ATP2B4: variants seen among roughly 807,000 people sequenced by gnomAD.
ATP2B4 encodes the protein plasma membrane calcium-transporting ATPase 4.
ATP2B4 carries 39 observed loss-of-function variants against 110.3 expected under a neutral mutation model. The ratio of observed to expected loss-of-function variants is 0.35; its 90% CI spans 0.27 to 0.46. The LOEUF is 0.46. Ranked by LOEUF, ATP2B4 falls within the 20% of genes least tolerant of loss-of-function variation. The pLI is 1.00. For missense variants in ATP2B4, 1,135 were observed against 1,530.9 expected (o/e 0.74, Z 4.32); for synonymous variants, 538 against 571.7 (o/e 0.94, Z 0.84).
intron 2 of ATP2B4, among the ~76,000 whole-genome samples, chr1:203,686,160 A>G (rs1241383154): frequency 6.6e-6 from 1 of 152,148 alleles, no homozygotes; most frequent in East Asian, 1.9e-4. Flanking sequence ...TTACAGCCGT[A>G]CTGACTGCTG....
chr1:203,627,412 G>T (rs1228302301), intron 1 of ATP2B4, among the ~76,000 whole-genome samples, 193 bp downstream of exon 1: 2 of 152,158 alleles, frequency 1.3e-5, no homozygotes, highest in Non-Finnish European at 2.9e-5. Flanking sequence ...TCAGTTCTGA[G>T]AAACCATATA....
intron 1 of ATP2B4, among the ~76,000 whole-genome samples, chr1:203,680,185 T>C (rs1166307057): frequency 6.6e-6 from 1 of 152,148 alleles, no homozygotes; most frequent in Non-Finnish European, 1.5e-5. Flanking sequence ...ATGGTTATTG[T>C]TAATGAAGCT....
intron 1 of ATP2B4, among the ~76,000 whole-genome samples, chr1:203,663,809 G>T (rs1388996338): frequency 6.6e-6 from 1 of 152,042 alleles, no homozygotes; most frequent in Non-Finnish European, 1.5e-5. Flanking sequence ...TCACTGTATT[G>T]CCCAGGCTGG....
At position 203,656,007 on chromosome 1, in the gene ATP2B4, C is replaced by T. The variant is rs529113258; in HGVS notation, c.-464-26735C>T. ...GCAACCTTCGCCTCCTGGGTTCAAG[C>T]GATTCTCTCAACTCAGCCTCCCGAG... is the stretch of plus-strand genomic sequence containing the variant. On this transcript the variant is annotated intron_variant, in intron 1 of 20. Coordinates refer to ENST00000357681, the MANE Select transcript of ATP2B4 (RefSeq NM_001684.5). Among the ~76,000 whole-genome samples, 29 of 151,760 alleles carry T rather than the reference C, an allele frequency of 1.9e-4. No individual in the cohort carries two copies. In the South Asian group the frequency reaches 5.9e-3, roughly 31 times the overall value.
rs777078203 is a variant in ATP2B4, at chr1:203,683,233, C to T, written c.28C>T (p.Pro10Ser). Residue 10 changes from proline to serine, a missense_variant, in exon 2 of 21, where the codon CCT becomes TCT. Pro to Ser is a moderately conservative substitution (Grantham distance 74, BLOSUM62 -1). This residue lies in a region of ATP2B4 where 122 missense variants were observed against 125.2 expected (regional missense o/e 0.97). Transcript: ENST00000357681. ...GACGAACCCATCAGACCGTGTCTTG[C>T]CTGCCAACTCGATGGCCGAGAGCCG... MTNPSDRVL[P>S]ANSMAESREG... The T allele has an allele frequency of 6.2e-7, 1 of 1,613,998 alleles. No individual in the cohort carries two copies. The highest frequency in any genetic ancestry group is 2.2e-5 in the East Asian group (1 of 44,900).
rs57144862 is a variant in ATP2B4, at chr1:203,672,324, CTTTTTTTTTTTTTT to C, written c.-464-10399_-464-10386del. Among the ~76,000 whole-genome samples, 139 of 79,596 alleles carry C rather than the reference CTTTTTTTTTTTTTT, an allele frequency of 1.7e-3. 1 individual carries two copies. Among genetic ancestry groups the C allele is most frequent in the South Asian group, 1.9e-3 (3 of 1,586 alleles). The allele number at this position is 79,596 out of a possible 152,430, so 52.2% of individuals were successfully genotyped here. ...TGTTCCTGAGTAAGTTGCGGTGGCT[CTTTTTTTTTTTTTT>C]TTTTTTTTTTTTTTTTTTAAAGCTG... On this transcript the variant is annotated intron_variant, in intron 1 of 20. Coordinates refer to ENST00000357681, the MANE Select transcript of ATP2B4 (RefSeq NM_001684.5).
chr1:203,657,536 C>T, intron 1 of ATP2B4: 2 of 814,924 alleles, frequency 2.5e-6, no homozygotes, highest in Non-Finnish European at 4.3e-6. Flanking sequence ...TGGTGTTTCT[C>T]TTTTCATGCA....
intron 13 of ATP2B4, 111 bp from the exon 14 acceptor site, chr1:203,713,054 G>T: frequency 9.0e-7 from 1 of 1,108,986 alleles, no homozygotes; most frequent in Non-Finnish European, 1.4e-6. Context: ...CTTTCATGTG[G>T]GACTGTGGTG....
intron 1 of ATP2B4, among the ~76,000 whole-genome samples, chr1:203,632,924 G>T (rs1663318240): frequency 6.6e-6 from 1 of 151,998 alleles, no homozygotes; most frequent in Non-Finnish European, 1.5e-5. Flanking sequence ...GGGTTTTTTT[G>T]TATATCTTGT....
At chr1:203,662,272 C>T (rs533124811) in intron 1 of ATP2B4, among the ~76,000 whole-genome samples, 51 of 152,310 alleles carry the variant, frequency 3.3e-4, no homozygotes, top group African/African-American at 1.1e-3. Context: ...ATGATCCACC[C>T]GTCTCAGCCT....
rs35528335 is a variant in ATP2B4, at chr1:203,731,849, C to CA, written c.3309+4299dup. On this transcript the variant is annotated intron_variant, in intron 20 of 20. Transcript: ENST00000357681. Reference sequence around the variant, plus strand: ...TGGGTGACAGAGCGAGACTCTGTCTCAAAAAAAAAAAAAAAAAAAAAGGAA... The same window carrying CA: ...TGGGTGACAGAGCGAGACTCTGTCTCAAAAAAAAAAAAAAAAAAAAAAGGAA... Among the ~76,000 whole-genome samples the CA allele has an allele frequency of 7.9e-3, 402 of 51,048 alleles. 29 individuals are homozygous for CA. Among genetic ancestry groups the CA allele is most frequent in the Middle Eastern group, 0.056 (2 of 36 alleles). The allele number at this position is 51,048 out of a possible 152,430, so 33.5% of individuals were successfully genotyped here.
At chr1:203,700,691 C>G in intron 5 of ATP2B4, 107 bp from the exon 6 acceptor site, 1 of 1,441,708 alleles carries the variant, frequency 6.9e-7, no homozygotes, top group Non-Finnish European at 9.6e-7. Flanking sequence ...ACATCATTAT[C>G]CATGGGGTAG....
intron 1 of ATP2B4, among the ~76,000 whole-genome samples, chr1:203,660,581 C>A (rs144568128): frequency 6.6e-6 from 1 of 152,008 alleles, no homozygotes; most frequent in Non-Finnish European, 1.5e-5. Context: ...GTGGGCAGAT[C>A]GTGAGGTCAA....
chr1:203,666,264 G>A (rs374378961), intron 1 of ATP2B4, among the ~76,000 whole-genome samples: 10 of 152,138 alleles, frequency 6.6e-5, no homozygotes, highest in African/African-American at 2.2e-4. Flanking sequence ...GGGCCAGGTG[G>A]CCACACTCAG....
At chr1:203,729,562 AG>A (rs1666631517) in intron 20 of ATP2B4, 36 of 434,336 alleles carry the variant, frequency 8.3e-5, no homozygotes, top group South Asian at 1.4e-4. Context: ...AAAAAAAAAA[AG>A]AAGAAGAAAA....
chr1:203,709,158 A>G, intron 10 of ATP2B4, 143 bp from the exon 11 acceptor site: 1 of 1,231,976 alleles, frequency 8.1e-7, no homozygotes, highest in Non-Finnish European at 1.1e-6. Context: ...CTCCATCTCC[A>G]AAAAAGAAAA....
chr1:203,722,394 A>G, intron 17 of ATP2B4, 84 bp from the exon 18 acceptor site: 1 of 1,089,504 alleles, frequency 9.2e-7, no homozygotes, highest in Non-Finnish European at 1.4e-6. Flanking sequence ...ACCAGCCATA[A>G]GCAAGCAGTA....
In ATP2B4 at chr1:203,632,634, C is replaced by T. The variant is rs1171995891; in HGVS notation, c.-465+5415C>T. ...CTGGGATTACAGGCGTGAGCCACCA[C>T]GCCTGGCCTAATTTAAGTACTTTTT... On this transcript the variant is annotated intron_variant, in intron 1 of 20. Transcript: ENST00000357681. Among the ~76,000 whole-genome samples, 7 of 151,112 alleles carry T rather than the reference C, an allele frequency of 4.6e-5. No homozygotes were observed. In the South Asian group the frequency reaches 8.3e-4, roughly 18 times the overall value.
intron 2 of ATP2B4, among the ~76,000 whole-genome samples, chr1:203,694,929 A>G (rs191368284): frequency 1.2e-3 from 181 of 152,234 alleles, no homozygotes; most frequent in Non-Finnish European, 3.8e-4. Context: ...TCTCAACTAC[A>G]TGATATAGGA....
Sources: gnomAD v4.1 joint callset for allele counts (sites outside exome capture counted in the v4.1 genomes callset) on GRCh38, gnomAD v4.1.1 for gene constraint, gnomAD v4.1.1 regional missense constraint, MANE v1.5 for transcripts, NCBI Gene and HGNC (gene_info 2026-07-23, HGNC 2026-07-21) for gene names.